Variants in RAP1GDS1 observed in about 807,000 individuals in gnomAD.
The protein encoded by RAP1GDS1 is Rap1 GTPase-GDP dissociation stimulator 1.
Under a neutral mutation model 71.1 loss-of-function variants are expected in RAP1GDS1, and 35 were observed. The ratio of observed to expected loss-of-function variants is 0.49; its 90% CI spans 0.38 to 0.65. The LOEUF (loss-of-function observed/expected upper bound fraction) is 0.65. Among genes scored for constraint, RAP1GDS1 ranks in the 30% least tolerant of loss-of-function variants. RAP1GDS1 has a pLI of 0.00. For synonymous variants in RAP1GDS1, 229 were observed against 243.1 expected, an observed-to-expected ratio of 0.94 and a Z score of 0.54; for missense variants, 663 against 706.1, an observed-to-expected ratio of 0.94 and a Z score of 0.69.
intron 12 of RAP1GDS1, among the ~76,000 whole-genome samples, chr4:98,422,586 AG>A (rs1271201914): frequency 1.3e-5 from 2 of 152,168 alleles, no homozygotes; most frequent in African/African-American, 4.8e-5. Context: ...ATTATATATG[AG>A]GAGAAAGTTT....
At position 98,275,038 on chromosome 4, in the gene RAP1GDS1, G is replaced by C. The variant is rs190562962; in HGVS notation, c.4+13469G>C. Reference sequence around the variant, plus strand: ...TGCAGCTGTGTGTGTGTGTGTGTGTGTGTGTGTGTGTGTCTGTGTGGAAAT... The same window carrying C: ...TGCAGCTGTGTGTGTGTGTGTGTGTCTGTGTGTGTGTGTCTGTGTGGAAAT... On this transcript the variant is annotated intron_variant, in intron 1 of 14. Transcript: ENST00000408927. Among the ~76,000 whole-genome samples the C allele has an allele frequency of 2.8e-4, 42 of 152,074 alleles. 1 individual carries two copies. In the East Asian group the frequency reaches 6.2e-3, roughly 22 times the overall value.
chr4:98,343,023 C>T (rs576603286), intron 2 of RAP1GDS1, 116 bp from the exon 3 acceptor site: 36 of 1,122,626 alleles, frequency 3.2e-5, no homozygotes, highest in South Asian at 3.2e-4. Context: ...GAATGTATAC[C>T]GAAACTAATT....
At chr4:98,402,488 C>T (rs1168130058) in intron 6 of RAP1GDS1, among the ~76,000 whole-genome samples, 1 of 151,734 alleles carries the variant, frequency 6.6e-6, no homozygotes, top group Non-Finnish European at 1.5e-5. Context: ...TTTTTTCCCC[C>T]TTGGCATGTG....
intron 6 of RAP1GDS1, among the ~76,000 whole-genome samples, chr4:98,399,821 G>A (rs1745110298): frequency 6.6e-6 from 1 of 152,066 alleles, no homozygotes; most frequent in Non-Finnish European, 1.5e-5. Flanking sequence ...AACTCACACT[G>A]GGAGTGTCAA....
intron 2 of RAP1GDS1, among the ~76,000 whole-genome samples, chr4:98,302,125 C>T (rs1375186344): frequency 2.0e-5 from 3 of 152,090 alleles, no homozygotes; most frequent in African/African-American, 7.2e-5. Context: ...AGAATAAAAA[C>T]ATTTTAGCTA....
At chr4:98,427,411 G>A (rs2110205136) in intron 12 of RAP1GDS1, among the ~76,000 whole-genome samples, 1 of 152,240 alleles carries the variant, frequency 6.6e-6, no homozygotes, top group Non-Finnish European at 1.5e-5. Flanking sequence ...CATCGGTAAA[G>A]AGGAAGTTAA....
chr4:98,324,149 A>G (rs1732508770), intron 2 of RAP1GDS1, among the ~76,000 whole-genome samples: 1 of 148,162 alleles, frequency 6.7e-6, no homozygotes, highest in Non-Finnish European at 1.5e-5. Flanking sequence ...GAGCCAAATC[A>G]TGAGTGAACT....
intron 1 of RAP1GDS1, among the ~76,000 whole-genome samples, chr4:98,267,459 A>G (rs1436518004): frequency 6.6e-6 from 1 of 152,110 alleles, no homozygotes; most frequent in Non-Finnish European, 1.5e-5. Flanking sequence ...TGTGCATGGT[A>G]CCCAGTGGGT....
intron 1 of RAP1GDS1, among the ~76,000 whole-genome samples, chr4:98,292,233 T>C (rs62321483): frequency 0.086 from 13,122 of 151,844 alleles, 742 homozygotes; most frequent in South Asian, 0.14. Context: ...GCTTAAGTGA[T>C]CCTCCCACTG....
chr4:98,437,623 T>TC (rs1396176140), intron 14 of RAP1GDS1, among the ~76,000 whole-genome samples: 4 of 151,872 alleles, frequency 2.6e-5, no homozygotes, highest in Non-Finnish European at 5.9e-5. Flanking sequence ...TGAAACCCTG[T>TC]CTCTACTAAA....
intron 2 of RAP1GDS1, among the ~76,000 whole-genome samples, chr4:98,294,484 C>T (rs1727431137): frequency 6.6e-6 from 1 of 151,862 alleles, no homozygotes; most frequent in South Asian, 2.1e-4. Context: ...TAGATTACAA[C>T]TGTCATGCTG....
At chr4:98,283,859 T>C (rs1553960919) in intron 1 of RAP1GDS1, among the ~76,000 whole-genome samples, 1 of 149,240 alleles carries the variant, frequency 6.7e-6, no homozygotes, top group Non-Finnish European at 1.5e-5. Flanking sequence ...TTCAGATACA[T>C]AGACAGTTGT....
chr4:98,288,142 T>G (rs1269038578), intron 1 of RAP1GDS1, among the ~76,000 whole-genome samples: 4 of 152,148 alleles, frequency 2.6e-5, no homozygotes, highest in African/African-American at 9.7e-5. Flanking sequence ...TAACTCGTCA[T>G]TTAACAATAG....
At chr4:98,374,507 CAGTG>C (rs1220355625) in intron 4 of RAP1GDS1, among the ~76,000 whole-genome samples, 16 of 152,122 alleles carry the variant, frequency 1.1e-4, no homozygotes, top group Non-Finnish European at 1.6e-4. Flanking sequence ...CATCTTTTGA[CAGTG>C]AGTAATTTTT....
At chr4:98,425,324 TA>T (rs899051566) in intron 12 of RAP1GDS1, among the ~76,000 whole-genome samples, 11 of 149,882 alleles carry the variant, frequency 7.3e-5, no homozygotes, top group East Asian at 3.9e-4. Flanking sequence ...AAAATACAAT[TA>T]AAAAAAAAGT....
chr4:98,293,287 G>T (rs988380937), intron 1 of RAP1GDS1, 121 bp from the exon 2 acceptor site: 22 of 627,188 alleles, frequency 3.5e-5, no homozygotes, highest in Non-Finnish European at 5.8e-5. Flanking sequence ...TGGAATGTAC[G>T]TGGAGGTTAA....
rs894115843 is a variant in RAP1GDS1, at chr4:98,418,859, G to A, written c.1174+68G>A. ...CCATCATTTGGGGAAGCTATTAACTGTATGTGATTTGTGAACCTGCTCTGA... is the reference window on the plus strand; with the variant it reads ...CCATCATTTGGGGAAGCTATTAACTATATGTGATTTGTGAACCTGCTCTGA... On this transcript the variant is annotated intron_variant, in intron 10 of 14. Transcript: ENST00000408927. 4.3e-6 allele frequency: 6 copies of A among 1,407,544 alleles called. No homozygotes were observed. The African/African-American group carries it at 4.4e-5, about 10-fold the overall frequency. The allele number at this position is 1,407,544 out of a possible 1,614,324, so 87.2% of individuals were successfully genotyped here.
intron 9 of RAP1GDS1, among the ~76,000 whole-genome samples, chr4:98,418,190 A>G (rs1295570091): frequency 1.3e-5 from 2 of 152,154 alleles, no homozygotes; most frequent in Non-Finnish European, 2.9e-5. Flanking sequence ...TAAGAGTGGC[A>G]TAATATGGAT....
chr4:98,272,238 A>G (rs1194426600), intron 1 of RAP1GDS1, among the ~76,000 whole-genome samples: 1 of 152,234 alleles, frequency 6.6e-6, no homozygotes, highest in South Asian at 2.1e-4. Context: ...GCGCAAACAC[A>G]TCTTTATTAA....
Sources: gnomAD v4.1 joint callset for allele counts (sites outside exome capture counted in the v4.1 genomes callset) on GRCh38, gnomAD v4.1.1 for gene constraint, MANE v1.5 for transcripts, NCBI Gene and HGNC (gene_info 2026-07-23, HGNC 2026-07-21) for gene names.